DCC: variants seen among roughly 807,000 people sequenced by gnomAD.
DCC encodes netrin receptor DCC.
In DCC, 58 loss-of-function variants were observed where a neutral mutation model predicts 172.5. The ratio of observed to expected loss-of-function variants is 0.34; its 90% CI spans 0.27 to 0.42. The LOEUF is 0.42. DCC is among the 10% of genes least tolerant of loss of function. The probability of loss-of-function intolerance (pLI) is 1.00; values close to 1 mark genes in which losing one functional copy is unlikely to be tolerated. For missense variants in DCC, 1,740 were observed against 1,791.0 expected, an observed-to-expected ratio of 0.97 and a Z score of 0.51; for synonymous variants, 709 against 644.5, an observed-to-expected ratio of 1.10 and a Z score of -1.52.
intron 1 of DCC, among the ~76,000 whole-genome samples, chr18:52,743,052 A>G (rs1466812500): frequency 2.0e-5 from 3 of 152,176 alleles, no homozygotes; most frequent in Non-Finnish European, 4.4e-5. Context: ...TGTATTGTGT[A>G]CACTAAATAT....
chr18:53,240,037 A>C (rs936574688), intron 12 of DCC, among the ~76,000 whole-genome samples: 5 of 140,446 alleles, frequency 3.6e-5, no homozygotes, highest in East Asian at 2.2e-4. Flanking sequence ...AAAAAAAAAA[A>C]AAAAAAAAAA....
intron 12 of DCC, among the ~76,000 whole-genome samples, chr18:53,279,734 C>A (rs2056848173): frequency 6.6e-6 from 1 of 151,274 alleles, no homozygotes; most frequent in Non-Finnish European, 1.5e-5. Flanking sequence ...TACATATACA[C>A]CATGGAATAC....
chr18:52,943,738 GT>G (rs57468587), intron 5 of DCC, among the ~76,000 whole-genome samples: 2 of 81,530 alleles, frequency 2.5e-5, no homozygotes, highest in African/African-American at 7.7e-5. Flanking sequence ...GCAATTTATG[GT>G]TTTTTTTTTT....
chr18:52,405,544 C>T lies in DCC; in HGVS notation c.91+64666C>T, dbSNP rs547953970. On this transcript the variant is annotated intron_variant, in intron 1 of 28. Transcript: ENST00000442544. ...CACCAACAACAGACAAACAGAGAGC[C>T]GAATCGTGAGTGAACTCCCATTCAC... 7.3e-5 allele frequency among the ~76,000 whole-genome samples: 11 copies of T among 151,244 alleles called. No individual in the cohort carries two copies. The East Asian group carries it at 1.2e-3, about 16-fold the overall frequency.
intron 2 of DCC, among the ~76,000 whole-genome samples, chr18:52,795,692 G>T (rs540440626): frequency 6.6e-6 from 1 of 151,770 alleles, no homozygotes; most frequent in East Asian, 1.9e-4. Context: ...TTGATAGGTT[G>T]TGTATTTGAA....
chr18:52,447,299 A>G (rs934738098), intron 1 of DCC, among the ~76,000 whole-genome samples: 2 of 152,254 alleles, frequency 1.3e-5, no homozygotes, highest in South Asian at 4.1e-4. Context: ...GTGAGGGATC[A>G]AAGAGGTGTA....
intron 7 of DCC, among the ~76,000 whole-genome samples, chr18:53,124,914 G>A (rs2043533703): frequency 6.6e-6 from 1 of 151,642 alleles, no homozygotes; most frequent in Admixed American, 6.6e-5. Flanking sequence ...AGGTTGCAGT[G>A]AGCTAAGATC....
intron 8 of DCC, among the ~76,000 whole-genome samples, chr18:53,172,268 A>C (rs2055025019): frequency 6.6e-6 from 1 of 152,110 alleles, no homozygotes; most frequent in Non-Finnish European, 1.5e-5. Context: ...AGAGCTTAAC[A>C]CTGAGTACTC....
chr18:53,300,962 A>ATTCATTCTTTCTTTCT (rs1555649186), intron 12 of DCC, among the ~76,000 whole-genome samples: 2 of 120,194 alleles, frequency 1.7e-5, no homozygotes, highest in African/African-American at 5.8e-5. Flanking sequence ...TTCTGGATTC[A>ATTCATTCTTTCTTTCT]TTCTTTCTTT....
intron 1 of DCC, among the ~76,000 whole-genome samples, chr18:52,486,506 G>A (rs755940630): frequency 1.3e-5 from 2 of 152,078 alleles, no homozygotes; most frequent in Non-Finnish European, 2.9e-5. Context: ...GTAACAGATT[G>A]TGTGATAGCA....
chr18:52,787,575 T>TAAAAA (rs372686833), intron 2 of DCC, among the ~76,000 whole-genome samples: 5 of 152,220 alleles, frequency 3.3e-5, no homozygotes, highest in Middle Eastern at 3.4e-3. Flanking sequence ...ATAACTTAAA[T>TAAAAA]TGTACATCAT....
At chr18:53,205,456 C>A in intron 10 of DCC, 92 bp downstream of exon 10, 1 of 1,217,658 alleles carries the variant, frequency 8.2e-7, no homozygotes, top group Non-Finnish European at 1.2e-6. Flanking sequence ...AAAAGACTCG[C>A]AAACTCTTGA....
At chr18:53,303,366 A>T (rs1301423692) in intron 12 of DCC, among the ~76,000 whole-genome samples, 1 of 152,034 alleles carries the variant, frequency 6.6e-6, no homozygotes, top group Non-Finnish European at 1.5e-5. Context: ...TTTGGATTTC[A>T]TTCTTTGCAT....
At chr18:53,184,083 A>G (rs2055242130) in intron 9 of DCC, among the ~76,000 whole-genome samples, 1 of 151,988 alleles carries the variant, frequency 6.6e-6, no homozygotes, top group Non-Finnish European at 1.5e-5. Flanking sequence ...TTTACAAACA[A>G]AGTGGGATAC....
intron 2 of DCC, among the ~76,000 whole-genome samples, chr18:52,812,703 C>T (rs1007155061): frequency 1.3e-5 from 2 of 152,178 alleles, no homozygotes; most frequent in African/African-American, 4.8e-5. Flanking sequence ...TAAGAATTTA[C>T]ATTTAATTAA....
intron 19 of DCC, among the ~76,000 whole-genome samples, chr18:53,403,844 A>G (rs1430028944): frequency 6.6e-6 from 1 of 152,222 alleles, no homozygotes; most frequent in Non-Finnish European, 1.5e-5. Context: ...TACTTTCTGA[A>G]TTTTGCAAAA....
At chr18:52,650,909 C>CT (rs2035119608) in intron 1 of DCC, among the ~76,000 whole-genome samples, 1 of 152,234 alleles carries the variant, frequency 6.6e-6, no homozygotes, top group Admixed American at 6.5e-5. Context: ...AAGAAATCTA[C>CT]TTTTTTATTT....
Position 52,541,572 on chromosome 18 carries a change from G to A in DCC, c.91+200694G>A, listed in dbSNP as rs149274919. 3.4e-3 allele frequency among the ~76,000 whole-genome samples: 515 copies of A among 152,156 alleles called. 11 individuals are homozygous for A. The highest frequency in any genetic ancestry group is 0.012 in the African/African-American group (483 of 41,516). ...TTAGAACTGGAGTATCAAGGGCATG[G>A]ACAGATAAGCACAAGCATCCGTTCT... On this transcript the variant is annotated intron_variant, in intron 1 of 28. Coordinates refer to ENST00000442544, the MANE Select transcript of DCC (RefSeq NM_005215.4).
chr18:53,447,905 T>C (rs1385956896), intron 22 of DCC, among the ~76,000 whole-genome samples: 3 of 152,164 alleles, frequency 2.0e-5, no homozygotes, highest in African/African-American at 4.8e-5. Context: ...ATTTCTTTCA[T>C]TTGTAATCAT....
Sources: gnomAD v4.1 joint callset for allele counts (sites outside exome capture counted in the v4.1 genomes callset) on GRCh38, gnomAD v4.1.1 for gene constraint, MANE v1.5 for transcripts, NCBI Gene and HGNC (gene_info 2026-07-23, HGNC 2026-07-21) for gene names.